Variants in TULP4 observed in about 807,000 individuals in gnomAD.
TULP4 encodes the protein tubby-related protein 4.
TULP4 carries 16 observed loss-of-function variants against 129.0 expected under a neutral mutation model. That is an observed-to-expected ratio of 0.12 (90% CI 0.08 to 0.19). The LOEUF is 0.19. TULP4 is among the 10% of genes least tolerant of loss of function. TULP4 has a pLI of 1.00. For synonymous variants in TULP4, 998 were observed against 854.0 expected, an observed-to-expected ratio of 1.17 and a Z score of -2.94; for missense variants, 1,842 against 2,059.1, an observed-to-expected ratio of 0.89 and a Z score of 2.04.
chr6:158,506,505 A>C (rs1780606573), intron 13 of TULP4, 73 bp from the exon 14 acceptor site: 2 of 983,288 alleles, frequency 2.0e-6, no homozygotes, highest in Admixed American at 3.4e-5. Flanking sequence ...TGCTGGGACT[A>C]CAGGCGTGAG....
chr6:158,444,328 C>A (rs1469743611), intron 3 of TULP4, among the ~76,000 whole-genome samples: 2 of 132,278 alleles, frequency 1.5e-5, no homozygotes, highest in Non-Finnish European at 3.1e-5. Flanking sequence ...GGCATCATGG[C>A]TATTTTTTCA....
chr6:158,310,980 T>C (rs558349376), upstream of TULP4, among the ~76,000 whole-genome samples: 13 of 152,200 alleles, frequency 8.5e-5, no homozygotes, highest in Non-Finnish European at 1.6e-4. Context: ...TTCTTTTTTT[T>C]AATCTATGAC....
chr6:158,479,722 A>G (rs759282049), intron 6 of TULP4, 29 bp from the exon 7 acceptor site: 1 of 1,602,218 alleles, frequency 6.2e-7, no homozygotes, highest in South Asian at 1.1e-5. Flanking sequence ...CAAAAGCTTA[A>G]GCATTGTCTT....
chr6:158,502,204 A>G lies in TULP4; in HGVS notation c.2541A>G (p.Thr847=). The G allele has an allele frequency of 1.1e-6, 1 of 928,450 alleles. No homozygotes were observed. Among genetic ancestry groups the G allele is most frequent in the South Asian group, 1.9e-5 (1 of 53,326 alleles). The allele number at this position is 928,450 out of a possible 1,614,324, so 57.5% of individuals were successfully genotyped here. ...YPGTIPAAPT[T]AAPPPPLPPP... ...GAACCATCCCCGCTGCCCCCACCAC[A>G]GCAGCACCCCCGCCCCCTCTGCCGC... Residue 847 remains threonine, a synonymous_variant, in exon 13 of 14, where the codon ACA becomes ACG. Transcript: ENST00000367097.
rs1227809607 is a variant in TULP4, at chr6:158,449,131, A to G, written c.679A>G (p.Ser227Gly). Residue 227 changes from serine to glycine, a missense_variant, in exon 4 of 14, where the codon AGC (serine) becomes GGC (glycine). Physicochemically the swap from Ser to Gly is moderately conservative, Grantham distance 56 (BLOSUM62 0). This residue lies in a region of TULP4 where 456 missense variants were observed against 534.3 expected (regional missense o/e 0.85). Transcript: ENST00000367097. ...WNYPIFLVEDSSESDTDSDDY... is the reference protein window; with the variant it reads ...WNYPIFLVEDGSESDTDSDDY... Reference sequence around the variant, plus strand: ...CTACCCGATCTTCCTGGTGGAGGACAGCAGCGAGAGCGACACGGACTCAGA... The same window carrying G: ...CTACCCGATCTTCCTGGTGGAGGACGGCAGCGAGAGCGACACGGACTCAGA... The G allele has an allele frequency of 6.2e-7, 1 of 1,614,064 alleles. No homozygotes were observed. Among genetic ancestry groups the G allele is most frequent in the Non-Finnish European group, 8.5e-7 (1 of 1,180,008 alleles).
intron 5 of TULP4, among the ~76,000 whole-genome samples, chr6:158,453,725 G>A (rs1583893981): frequency 1.3e-5 from 2 of 148,342 alleles, no homozygotes; most frequent in South Asian, 2.2e-4. Context: ...GGAGGCGGAG[G>A]TTACAGTGAG....
At chr6:158,430,718 C>T (rs1778609613) in intron 3 of TULP4, among the ~76,000 whole-genome samples, 1 of 152,024 alleles carries the variant, frequency 6.6e-6, no homozygotes, top group South Asian at 2.1e-4. Context: ...TGCGCTCCAG[C>T]CTGGGTGACA....
chr6:158,296,119 TCCTTCCTTCC>T (rs1779026309), intron 1 of TULP4, among the ~76,000 whole-genome samples: 1 of 152,224 alleles, frequency 6.6e-6, no homozygotes, highest in Non-Finnish European at 1.5e-5. Context: ...TTTCATAAGA[TCCTTCCTTCC>T]CCTTCCTTTT....
chr6:158,413,012 C>T lies in TULP4; in HGVS notation c.253-53C>T, dbSNP rs1778130860. 3 of 1,570,022 alleles carry T rather than the reference C, an allele frequency of 1.9e-6. No individual in the cohort carries two copies. The highest frequency in any genetic ancestry group is 3.6e-5 in the Admixed American group (2 of 54,886). Reference sequence around the variant, plus strand: ...AGTCTGATCACATCACAGAAATAATCCTGGCCCACAGATTTATTTCCTGTG... The same window carrying T: ...AGTCTGATCACATCACAGAAATAATTCTGGCCCACAGATTTATTTCCTGTG... On this transcript the variant is annotated intron_variant, in intron 1 of 13. Transcript: ENST00000367097. The surrounding 1 kb of genome is among the most constrained non-coding windows in gnomAD (Gnocchi z 4.9).
rs545850723 is a variant in TULP4 at position 158,314,167 on chromosome 6, G to A, written c.151G>A (p.Gly51Arg). The change falls in exon 1 of 14, where the codon GGG becomes AGG. Residue 51 changes from glycine to arginine, a missense_variant. Gly to Arg is a moderately radical substitution (Grantham distance 125, BLOSUM62 -2). Around this residue, in one of 5 missense-constraint regions of TULP4, gnomAD observed 151 missense variants for 268.7 expected, o/e 0.56. Coordinates refer to ENST00000367097, the MANE Select transcript of TULP4 (RefSeq NM_020245.5). Reference protein sequence around the residue: ...YEEGWLATGNGRGVVGVTFTS... With the variant: ...YEEGWLATGNRRGVVGVTFTS... ...GGAAGGCTGGCTGGCCACGGGCAACGGGCGAGGAGTGGTTGGGGTGACTTT... is the reference window on the plus strand; with the variant it reads ...GGAAGGCTGGCTGGCCACGGGCAACAGGCGAGGAGTGGTTGGGGTGACTTT... 7.7e-5 allele frequency: 125 copies of A among 1,614,178 alleles called. No homozygotes were observed. The highest frequency in any genetic ancestry group is 1.0e-4 in the Non-Finnish European group (119 of 1,180,042).
intron 8 of TULP4, among the ~76,000 whole-genome samples, chr6:158,486,862 G>A (rs926530565): frequency 7.2e-5 from 11 of 152,140 alleles, no homozygotes; most frequent in African/African-American, 2.7e-4. Flanking sequence ...TGTAATCCCA[G>A]CACTTTGGGA....
At chr6:158,324,567 C>A (rs186160897) in intron 1 of TULP4, among the ~76,000 whole-genome samples, 3 of 152,278 alleles carry the variant, frequency 2.0e-5, no homozygotes, top group African/African-American at 7.2e-5. Flanking sequence ...TGTTCCTGCC[C>A]AGATGGATCG....
chr6:158,426,287 A>G (rs2115048135), intron 2 of TULP4, among the ~76,000 whole-genome samples: 1 of 152,332 alleles, frequency 6.6e-6, no homozygotes, highest in African/African-American at 2.4e-5. Context: ...CTTCATCATG[A>G]AATCTTTGCC....
intron 11 of TULP4, among the ~76,000 whole-genome samples, chr6:158,495,350 G>A (rs756528875): frequency 1.3e-5 from 2 of 152,112 alleles, no homozygotes; most frequent in Non-Finnish European, 2.9e-5. Flanking sequence ...ATCACGCCTG[G>A]TCGCCAGCGG....
intron 1 of TULP4, among the ~76,000 whole-genome samples, chr6:158,245,604 GAAGA>G (rs1778014821): frequency 6.6e-6 from 1 of 152,166 alleles, no homozygotes; most frequent in Admixed American, 6.5e-5. Context: ...AATTTATTCT[GAAGA>G]AATAGTAGGA....
At chr6:158,302,105 G>A (rs985580976) in intron 1 of TULP4, among the ~76,000 whole-genome samples, 6 of 152,070 alleles carry the variant, frequency 3.9e-5, no homozygotes, top group Non-Finnish European at 7.4e-5. Flanking sequence ...TGGGGGCAGC[G>A]ATTAATATAT....
chr6:158,235,412 A>G (rs1276318454), intron 1 of TULP4, among the ~76,000 whole-genome samples: 12 of 152,166 alleles, frequency 7.9e-5, no homozygotes, highest in South Asian at 2.1e-4. Context: ...TGTAAGTGCA[A>G]TCACACAGTA....
At chr6:158,330,251 T>C (rs1009389651) in intron 1 of TULP4, among the ~76,000 whole-genome samples, 1 of 152,246 alleles carries the variant, frequency 6.6e-6, no homozygotes, top group African/African-American at 2.4e-5. Context: ...ACTGTAGTTT[T>C]AGACAAGTCT....
upstream of TULP4, among the ~76,000 whole-genome samples, chr6:158,309,257 C>T (rs373640592): frequency 2.8e-3 from 324 of 115,154 alleles, no homozygotes; most frequent in African/African-American, 0.01. Flanking sequence ...CAGACGGGGT[C>T]GCGGCCGGGC....
Sources: allele counts gnomAD v4.1 joint callset (sites outside exome capture counted in the v4.1 genomes callset), GRCh38; gene constraint gnomAD v4.1.1; regional missense constraint gnomAD v4.1.1; non-coding constraint Gnocchi (gnomAD v3.1); transcripts MANE v1.5; gene names NCBI Gene and HGNC (gene_info 2026-07-23, HGNC 2026-07-21).